The following ADA variants were observed in gnomAD, a reference collection of about 807,000 sequenced individuals.
ADA encodes adenosine deaminase.
A neutral mutation model predicts 49.0 loss-of-function variants in ADA; 45 were observed. That is an observed-to-expected ratio of 0.92 (90% CI 0.72 to 1.18). ADA has a LOEUF of 1.18. Ranked by LOEUF, ADA falls within the 50% of genes most tolerant of loss-of-function variation. The pLI is 0.00. For missense variants in ADA, 445 were observed against 472.5 expected (o/e 0.94, Z 0.54); for synonymous variants, 173 against 184.2 (o/e 0.94, Z 0.49).
intron 2 of ADA, among the ~76,000 whole-genome samples, chr20:44,634,124 G>A (rs1414075678): frequency 3.3e-5 from 5 of 152,120 alleles, no homozygotes; most frequent in Middle Eastern, 3.2e-3. Flanking sequence ...CCCACCCGGC[G>A]CTCCCAGCCC....
chr20:44,638,756 G>A (rs1349333565), intron 1 of ADA, among the ~76,000 whole-genome samples: 4 of 152,254 alleles, frequency 2.6e-5, no homozygotes, highest in Non-Finnish European at 4.4e-5. Flanking sequence ...AAACCAAGAC[G>A]ACTCCTTGGG....
At chr20:44,621,286 G>A in intron 9 of ADA, 139 bp from the exon 10 acceptor site, 2 of 1,159,506 alleles carry the variant, frequency 1.7e-6, no homozygotes, top group Non-Finnish European at 2.5e-6. Flanking sequence ...TGCAGAGGGG[G>A]AAATAAATTC....
chr20:44,621,048 C>G lies in ADA; in HGVS notation c.945G>C (p.Met315Ile). The part of the protein sequence containing the change: ...DTDYQMTKRD[M>I]GFTEEEFKRL... Reference sequence around the variant, plus strand: ...TTTTAAACTCCTCTTCAGTAAAGCCCATGTCCCGTTTGGTCATCTGGTAAT... The same window carrying G: ...TTTTAAACTCCTCTTCAGTAAAGCCGATGTCCCGTTTGGTCATCTGGTAAT... Residue 315 changes from methionine to isoleucine, a missense_variant, in exon 10 of 12, where the codon ATG (methionine) becomes ATC (isoleucine). Met to Ile is a conservative substitution (Grantham distance 10). Coordinates refer to ENST00000372874, the MANE Select transcript of ADA (RefSeq NM_000022.4). The G allele has an allele frequency of 6.2e-7, 1 of 1,614,116 alleles. No individual in the cohort carries two copies. The highest frequency in any genetic ancestry group is 1.1e-5 in the South Asian group (1 of 91,066).
At chr20:44,647,500 C>A (rs2065603534) in intron 1 of ADA, among the ~76,000 whole-genome samples, 1 of 152,056 alleles carries the variant, frequency 6.6e-6, no homozygotes, top group Admixed American at 6.5e-5. Context: ...CAGTCTACAG[C>A]TTCAAGGCTC....
In ADA at chr20:44,624,304, C is replaced by G; in HGVS notation, c.504G>C (p.Leu168=). 6.2e-7 allele frequency: 1 copy of G among 1,613,902 alleles called. No individual in the cohort carries two copies. Among genetic ancestry groups the G allele is most frequent in the Non-Finnish European group, 8.5e-7 (1 of 1,179,924 alleles). ...CGGTCTGCTGCTGGTACTTCTTACA[C>G]AGCTCCACCACCTTGGGGGACCAGT... The part of the protein sequence containing the change: ...QPNWSPKVVE[L]CKKYQQQTVV... The change falls in exon 6 of 12, where the codon CTG becomes CTC. Residue 168 remains leucine, a synonymous_variant. Coordinates refer to ENST00000372874, the MANE Select transcript of ADA (RefSeq NM_000022.4).
intron 1 of ADA, among the ~76,000 whole-genome samples, chr20:44,636,908 C>A (rs1163364869): frequency 6.6e-6 from 1 of 152,082 alleles, no homozygotes; most frequent in Non-Finnish European, 1.5e-5. Flanking sequence ...TGGGTTCAAG[C>A]AATTCTTGTG....
chr20:44,627,416 C>T (rs150146350), intron 3 of ADA, among the ~76,000 whole-genome samples: 9,065 of 152,212 alleles, frequency 0.06, 370 homozygotes, highest in African/African-American at 0.12. Flanking sequence ...CTCCTGACCT[C>T]ATGATCCGCC....
chr20:44,649,646 T>C (rs542543889), intron 1 of ADA, among the ~76,000 whole-genome samples: 10 of 150,478 alleles, frequency 6.6e-5, no homozygotes, highest in African/African-American at 2.0e-4. Context: ...ACTGCAAGGA[T>C]CCAATGGGTG....
chr20:44,621,080 C>T lies in ADA; in HGVS notation c.913G>A (p.Asp305Asn), dbSNP rs1309102513. ...CGTTTGGTCATCTGGTAATCAGTGT[C>T]CAGGGTGGACTTGAAGATGAGCGGG... is the stretch of plus-strand genomic sequence containing the variant. ...DDPLIFKSTL[D>N]TDYQMTKRDM... The change falls in exon 10 of 12, where the codon GAC (aspartate) becomes AAC (asparagine). Residue 305 changes from aspartate (D) to asparagine (N), a missense_variant. Physicochemically the swap from Asp to Asn is conservative, Grantham distance 23. Transcript: ENST00000372874. 1 of 1,614,172 alleles carries T rather than the reference C, an allele frequency of 6.2e-7. No homozygotes were observed. The highest frequency in any genetic ancestry group is 1.1e-5 in the South Asian group (1 of 91,076).
At chr20:44,646,536 G>C (rs2065593685) in intron 1 of ADA, among the ~76,000 whole-genome samples, 1 of 150,874 alleles carries the variant, frequency 6.6e-6, no homozygotes, top group African/African-American at 2.5e-5. Context: ...TCCCCAGGAA[G>C]GAAACGCACC....
Position 44,636,288 on chromosome 20 carries a change from C to T in ADA, c.34G>A (p.Val12Met). The change falls in exon 2 of 12, where the codon GTG becomes ATG. Residue 12 changes from valine to methionine, a missense_variant and splice_region_variant. Val to Met is a conservative substitution (Grantham distance 21). Coordinates refer to ENST00000372874, the MANE Select transcript of ADA (RefSeq NM_000022.4). ...AQTPAFDKPK[V>M]ELHVHLDGSI... ...CCGTCTAGGTGGACATGCAGTTCCA[C>T]CTGCAAGGGGGCAGGGGGAAGAGAG... The T allele has an allele frequency of 6.2e-7, 1 of 1,601,694 alleles. No individual in the cohort carries two copies. The highest frequency in any genetic ancestry group is 8.5e-7 in the Non-Finnish European group (1 of 1,172,604).
intron 9 of ADA, 140 bp downstream of exon 9, chr20:44,622,448 G>A (rs879063907): frequency 6.4e-5 from 65 of 1,018,750 alleles, no homozygotes; most frequent in South Asian, 4.0e-4. Flanking sequence ...AGATGAGGAC[G>A]GCAATGCCTG....
chr20:44,629,531 C>T (rs1461111781), intron 2 of ADA, among the ~76,000 whole-genome samples: 6 of 152,214 alleles, frequency 3.9e-5, no homozygotes, highest in Admixed American at 3.9e-4. Flanking sequence ...ATGGCTTCCT[C>T]CTCAGCCCCA....
At chr20:44,625,030 G>T (rs1392801337) in intron 5 of ADA, among the ~76,000 whole-genome samples, 1 of 152,240 alleles carries the variant, frequency 6.6e-6, no homozygotes, top group African/African-American at 2.4e-5. Flanking sequence ...GTAGAGGAAT[G>T]AAGTAAGTGT....
intron 2 of ADA, among the ~76,000 whole-genome samples, chr20:44,630,538 C>T (rs1052181980): frequency 6.6e-5 from 10 of 151,968 alleles, no homozygotes; most frequent in Non-Finnish European, 1.0e-4. Context: ...AAGAACGAGC[C>T]CTCGGAAATT....
chr20:44,620,913 G>T, intron 10 of ADA, 105 bp downstream of exon 10: 1 of 1,514,432 alleles, frequency 6.6e-7, no homozygotes, highest in Non-Finnish European at 9.1e-7. Flanking sequence ...GGACTGTTGA[G>T]GCAGACTCAC....
At chr20:44,638,871 C>A (rs1452845202) in intron 1 of ADA, among the ~76,000 whole-genome samples, 2 of 152,290 alleles carry the variant, frequency 1.3e-5, no homozygotes, top group East Asian at 1.9e-4. Flanking sequence ...TAGCGAGGAA[C>A]CCACAACACA....
intron 4 of ADA, 57 bp from the exon 5 acceptor site, chr20:44,625,741 G>A (rs997936491): frequency 1.4e-6 from 2 of 1,398,100 alleles, no homozygotes; most frequent in African/African-American, 1.4e-5. Flanking sequence ...CTAAAGGGCA[G>A]CTCTGGGACT....
intron 1 of ADA, among the ~76,000 whole-genome samples, chr20:44,647,163 G>A (rs926012489): frequency 3.9e-5 from 6 of 152,140 alleles, no homozygotes; most frequent in South Asian, 2.1e-4. Context: ...GGCCGGGTGC[G>A]GTGGCTCATG....
Sources: allele counts gnomAD v4.1 joint callset (sites outside exome capture counted in the v4.1 genomes callset), GRCh38; gene constraint gnomAD v4.1.1; transcripts MANE v1.5; gene names NCBI Gene and HGNC (gene_info 2026-07-23, HGNC 2026-07-21).